Variants in CDCA2 observed in about 807,000 individuals in gnomAD.
CDCA2 encodes cell division cycle associated 2, also known as cell division cycle-associated protein 2.
Under a neutral mutation model 67.0 loss-of-function variants are expected in CDCA2, and 44 were observed. That is an observed-to-expected ratio of 0.66 (90% CI 0.52 to 0.84). CDCA2 has a LOEUF of 0.84. Ranked by LOEUF, CDCA2 falls within the 40% of genes least tolerant of loss-of-function variation. The probability of loss-of-function intolerance (pLI) is 0.00; values close to 1 mark genes in which losing one functional copy is unlikely to be tolerated. For missense variants in CDCA2, 1,253 were observed against 1,203.2 expected, an observed-to-expected ratio of 1.04 and a Z score of -0.61; for synonymous variants, 447 against 418.7, an observed-to-expected ratio of 1.07 and a Z score of -0.82.
chr8:25,470,388 T>C (rs1349417564), intron 7 of CDCA2, among the ~76,000 whole-genome samples: 1 of 152,186 alleles, frequency 6.6e-6, no homozygotes, highest in Non-Finnish European at 1.5e-5. Context: ...TTAGATTGAC[T>C]TTTTTTCTAC....
At position 25,507,281 on chromosome 8, in the gene CDCA2, A is replaced by G; in HGVS notation, c.2615A>G (p.Asp872Gly). Reference sequence around the variant, plus strand: ...TTAGAAAATTCTGAACTGTTTAAAGATTTGTCTGATGCCATTGAGCAAACC... The same window carrying G: ...TTAGAAAATTCTGAACTGTTTAAAGGTTTGTCTGATGCCATTGAGCAAACC... ...ISLENSELFK[D>G]LSDAIEQTFQ... Residue 872 changes from aspartate to glycine, a missense_variant, in exon 15 of 15, where the codon GAT (aspartate) becomes GGT (glycine). Physicochemically the swap from Asp to Gly is moderately conservative, Grantham distance 94 (BLOSUM62 -1). Coordinates refer to ENST00000330560, the MANE Select transcript of CDCA2 (RefSeq NM_152562.4). 6.2e-7 allele frequency: 1 copy of G among 1,614,174 alleles called. No individual in the cohort carries two copies. The highest frequency in any genetic ancestry group is 1.1e-5 in the South Asian group (1 of 91,088).
chr8:25,501,880 G>A (rs550518746), intron 13 of CDCA2, among the ~76,000 whole-genome samples: 2 of 152,056 alleles, frequency 1.3e-5, no homozygotes, highest in South Asian at 4.1e-4. Context: ...CTTTCCAGAT[G>A]TTTGTTTTTG....
chr8:25,492,509 A>C (rs1211553570), intron 13 of CDCA2, among the ~76,000 whole-genome samples: 2 of 152,228 alleles, frequency 1.3e-5, no homozygotes, highest in South Asian at 2.1e-4. Context: ...TAAGAAAAAA[A>C]CGGTAATTAT....
intron 3 of CDCA2, among the ~76,000 whole-genome samples, chr8:25,461,268 CAAAAAAAAAAAAA>C (rs61333775): frequency 2.1e-5 from 2 of 95,948 alleles, no homozygotes; most frequent in African/African-American, 8.3e-5. Flanking sequence ...ACTCTGTCTC[CAAAAAAAAAAAAA>C]AAAAAAAAAA....
chr8:25,494,492 T>C (rs1379204141), intron 13 of CDCA2, among the ~76,000 whole-genome samples: 2 of 152,166 alleles, frequency 1.3e-5, no homozygotes, highest in Non-Finnish European at 2.9e-5. Flanking sequence ...TAAAAGGAAG[T>C]TTACATATGC....
rs546775203 is a variant in CDCA2 at position 25,473,324 on chromosome 8, G to A, written c.820+3344G>A. Among the ~76,000 whole-genome samples the A allele has an allele frequency of 9.9e-5, 15 of 152,264 alleles. No individual in the cohort carries two copies. In the East Asian group the frequency reaches 1.7e-3, roughly 18 times the overall value. On this transcript the variant is annotated intron_variant, in intron 7 of 14. Transcript: ENST00000330560. The stretch of plus-strand genomic sequence containing the variant: ...GTTTGTCATGTATGTCCTTTATTGC[G>A]TTGAAGAACATTCTGTTCCTAGTCT...
chr8:25,460,635 C>T lies in CDCA2; in HGVS notation c.232+81C>T, dbSNP rs992203795. On this transcript the variant is annotated intron_variant, in intron 3 of 14. Coordinates refer to ENST00000330560, the MANE Select transcript of CDCA2 (RefSeq NM_152562.4). The stretch of plus-strand genomic sequence containing the variant: ...TATAACTCAGCTTTATTTGTTTATA[C>T]GTACTGTCATATTTTAGGTACCTAA... The T allele has an allele frequency of 2.6e-5, 37 of 1,415,592 alleles. No homozygotes were observed. The East Asian group carries it at 5.1e-4, about 19-fold the overall frequency. 87.7% of individuals were successfully genotyped at this position (1,415,592 alleles called of 1,614,324 possible). A position where few individuals can be genotyped will look rare whatever the true frequency, so the allele number is the denominator to read the frequency against.
intron 5 of CDCA2, among the ~76,000 whole-genome samples, chr8:25,467,726 T>A (rs1802971111): frequency 6.6e-6 from 1 of 152,210 alleles, no homozygotes; most frequent in African/African-American, 2.4e-5. Context: ...ATGTTTTCAT[T>A]CCTTTCAGTT....
intron 4 of CDCA2, among the ~76,000 whole-genome samples, chr8:25,465,075 G>A (rs759413825): frequency 5.9e-5 from 9 of 152,138 alleles, no homozygotes; most frequent in Non-Finnish European, 1.0e-4. Context: ...CCAGGTTCAA[G>A]CGATTCTCCC....
chr8:25,474,827 G>T (rs1803284477), intron 7 of CDCA2, among the ~76,000 whole-genome samples: 1 of 152,178 alleles, frequency 6.6e-6, no homozygotes, highest in African/African-American at 2.4e-5. Flanking sequence ...GCCCCATAGG[G>T]TGGGCAGGGC....
intron 8 of CDCA2, among the ~76,000 whole-genome samples, chr8:25,480,766 G>A (rs1803537641): frequency 3.3e-5 from 5 of 152,156 alleles, no homozygotes; most frequent in African/African-American, 1.2e-4. Flanking sequence ...GTCCATGAGA[G>A]GTTGAGAGCC....
intron 3 of CDCA2, among the ~76,000 whole-genome samples, chr8:25,461,519 C>T (rs1400118365): frequency 6.6e-6 from 1 of 152,188 alleles, no homozygotes; most frequent in East Asian, 1.9e-4. Flanking sequence ...AACTTTCATT[C>T]TCAAAAACAT....
Position 25,484,085 on chromosome 8 carries a change from T to C in CDCA2, c.1240T>C (p.Leu414=), listed in dbSNP as rs1282191584. Residue 414 remains leucine (L), a synonymous_variant, in exon 10 of 15, where the codon TTG becomes CTG. Coordinates refer to ENST00000330560, the MANE Select transcript of CDCA2 (RefSeq NM_152562.4). ...FDESLPANTP[L]RKGGTPVCKK... is the part of the protein sequence containing the mutation. ...TGAATCTTTGCCAGCAAATACTCCA[T>C]TGCGTAAAGGAGGAACACCTGTTTG... The C allele has an allele frequency of 6.2e-7, 1 of 1,614,054 alleles. No homozygotes were observed. Among genetic ancestry groups the C allele is most frequent in the Non-Finnish European group, 8.5e-7 (1 of 1,180,024 alleles).
intron 14 of CDCA2, 155 bp downstream of exon 14, chr8:25,503,699 T>A: frequency 1.5e-6 from 1 of 657,210 alleles, no homozygotes; most frequent in Non-Finnish European, 2.5e-6. Flanking sequence ...GGATTTCAAA[T>A]GGAGGAAACA....
intron 13 of CDCA2, among the ~76,000 whole-genome samples, chr8:25,498,464 G>GC (rs1355946359): frequency 5.2e-4 from 37 of 71,746 alleles, no homozygotes; most frequent in Non-Finnish European, 7.9e-4. Context: ...CCCCCCCCCC[G>GC]CCCCCCAGGC....
In CDCA2 at chr8:25,479,900, G is replaced by A; in HGVS notation, c.821-13G>A. The A allele has an allele frequency of 6.2e-7, 1 of 1,612,064 alleles. No homozygotes were observed. Among genetic ancestry groups the A allele is most frequent in the Non-Finnish European group, 8.5e-7 (1 of 1,178,172 alleles). ...GATCTTCTGCCTCTCAAGTTTACATGTTTATCTTGAAGCACTAAAGGTTGC... is the reference window on the plus strand; with the variant it reads ...GATCTTCTGCCTCTCAAGTTTACATATTTATCTTGAAGCACTAAAGGTTGC... On this transcript the variant is annotated splice_polypyrimidine_tract_variant and intron_variant, in intron 7 of 14. Transcript: ENST00000330560.
intron 3 of CDCA2, 56 bp from the exon 4 acceptor site, chr8:25,461,998 G>T: frequency 6.6e-7 from 1 of 1,526,286 alleles, no homozygotes; most frequent in Non-Finnish European, 9.0e-7. Flanking sequence ...AGTATTGGAT[G>T]TGGTTACTGA....
Position 25,507,570 on chromosome 8 carries a change from C to T in CDCA2, c.2904C>T (p.Ser968=), listed in dbSNP as rs145926305. 467 of 1,614,040 alleles carry T rather than the reference C, an allele frequency of 2.9e-4. 1 individual carries two copies. The highest frequency in any genetic ancestry group is 3.8e-4 in the Non-Finnish European group (453 of 1,180,034). ...GCCAGGGCCCTGCTGCTGGTTCTTC[C>T]GATGAACCTGGTAAGAGGAGGAAGA... ...ENSQGPAAGS[S]DEPGKRRKSF... Residue 968 remains serine, a synonymous_variant, in exon 15 of 15, where the codon TCC becomes TCT. Coordinates refer to ENST00000330560, the MANE Select transcript of CDCA2 (RefSeq NM_152562.4).
At position 25,470,027 on chromosome 8, in the gene CDCA2, C is replaced by T. The variant is rs760900612; in HGVS notation, c.820+47C>T. ...CATGGCCAGTTGCCCGATTCATAGA[C>T]ATTTATGATTAGTGTACCTATTTGC... On this transcript the variant is annotated intron_variant, in intron 7 of 14. Coordinates refer to ENST00000330560, the MANE Select transcript of CDCA2 (RefSeq NM_152562.4). The T allele has an allele frequency of 1.4e-5, 18 of 1,297,082 alleles. No homozygotes were observed. The East Asian group carries it at 4.0e-4, about 29-fold the overall frequency. The allele number at this position is 1,297,082 out of a possible 1,614,324, so 80.3% of individuals were successfully genotyped here. A position where few individuals can be genotyped will look rare whatever the true frequency, so the allele number is the denominator to read the frequency against.
Sources: gnomAD v4.1 joint callset for allele counts (sites outside exome capture counted in the v4.1 genomes callset) on GRCh38, gnomAD v4.1.1 for gene constraint, MANE v1.5 for transcripts, NCBI Gene and HGNC (gene_info 2026-07-23, HGNC 2026-07-21) for gene names.